The following CPED1 variants were observed in gnomAD, a reference collection of about 807,000 sequenced individuals.
The protein encoded by CPED1 is cadherin like and PC-esterase domain containing 1.
In CPED1, 114 loss-of-function variants were observed where a neutral mutation model predicts 128.2. The observed-to-expected ratio is 0.89, with a 90% CI of 0.76 to 1.04. The LOEUF is 1.04. Ranked by LOEUF, CPED1 falls within the 50% of genes least tolerant of loss-of-function variation. CPED1 has a pLI of 0.00. For missense variants in CPED1, 1,211 were observed against 1,207.1 expected (o/e 1.00, Z -0.05); for synonymous variants, 462 against 426.7 (o/e 1.08, Z -1.02).
intron 2 of CPED1, among the ~76,000 whole-genome samples, chr7:121,012,625 C>T (rs1166395050): frequency 6.6e-6 from 1 of 152,226 alleles, no homozygotes; most frequent in Non-Finnish European, 1.5e-5. Context: ...CACCTGTTGT[C>T]AGACCGGCTA....
chr7:121,056,987 T>C (rs1585044089), intron 4 of CPED1, among the ~76,000 whole-genome samples: 1 of 7,140 alleles, frequency 1.4e-4, no homozygotes, highest in Admixed American at 2.7e-3. Flanking sequence ...TTCTTTTTTC[T>C]TTTTTTTTGA....
At position 121,172,382 on chromosome 7, in the gene CPED1, GTT is replaced by G. The variant is rs59530723; in HGVS notation, c.2055+30253_2055+30254del. Among the ~76,000 whole-genome samples the G allele has an allele frequency of 5.1e-3, 718 of 141,952 alleles. 5 individuals are homozygous for G. Among genetic ancestry groups the G allele is most frequent in the African/African-American group, 0.017 (671 of 39,490 alleles). The allele number at this position is 141,952 out of a possible 152,430, so 93.1% of individuals were successfully genotyped here. On this transcript the variant is annotated intron_variant, in intron 16 of 22. Transcript: ENST00000310396. ...ACCCTGTCCTGACTGAAATACTCTT[GTT>G]TTTTTTTTTTTATTTTGATGTGGAA...
intron 22 of CPED1, among the ~76,000 whole-genome samples, chr7:121,274,702 C>A (rs528756969): frequency 7.2e-5 from 11 of 152,074 alleles, no homozygotes; most frequent in Non-Finnish European, 1.6e-4. Flanking sequence ...CCCCTTGTAC[C>A]TCAGCAAGTC....
At chr7:121,105,241 G>A (rs1404957850) in intron 7 of CPED1, among the ~76,000 whole-genome samples, 1 of 152,114 alleles carries the variant, frequency 6.6e-6, no homozygotes, top group Non-Finnish European at 1.5e-5. Context: ...TGACACAGTT[G>A]TAGGGATGAA....
At chr7:121,243,009 T>A (rs908231631) in intron 17 of CPED1, among the ~76,000 whole-genome samples, 3 of 152,110 alleles carry the variant, frequency 2.0e-5, no homozygotes, top group African/African-American at 7.2e-5. Context: ...TATATTCATC[T>A]CCTAAAAACA....
rs11979314 is a variant in CPED1, at chr7:121,141,830, G to T, written c.1887-143G>T. 0.99 allele frequency: 575,940 copies of T among 579,102 alleles called. 286,456 individuals carry two copies. The highest frequency in any genetic ancestry group is 1 in the East Asian group (35,862 of 35,862). The allele number at this position is 579,102 out of a possible 1,614,324, so 35.9% of individuals were successfully genotyped here. A position where few individuals can be genotyped will look rare whatever the true frequency, so the allele number is the denominator to read the frequency against. ...AAAGAGATATTTATTTATTTTCATA[G>T]TTTAGGTTTCTTATGAAATTGTACA... On this transcript the variant is annotated intron_variant, in intron 15 of 22. Coordinates refer to ENST00000310396, the MANE Select transcript of CPED1 (RefSeq NM_024913.5).
chr7:121,053,862 G>A lies in CPED1; in HGVS notation c.540+6869G>A, dbSNP rs571860992. Among the ~76,000 whole-genome samples, 195 of 152,240 alleles carry A rather than the reference G, an allele frequency of 1.3e-3. 3 individuals carry two copies. Among genetic ancestry groups the A allele is most frequent in the South Asian group, 8.5e-3 (41 of 4,812 alleles). On this transcript the variant is annotated intron_variant, in intron 4 of 22. Transcript: ENST00000310396. Reference sequence around the variant, plus strand: ...CTATAGGTTATAAATCAGTACTATTGTTATTAAATTTTTTGTTGTTGCTCA... The same window carrying A: ...CTATAGGTTATAAATCAGTACTATTATTATTAAATTTTTTGTTGTTGCTCA...
At chr7:121,009,000 G>T (rs570391801) in intron 2 of CPED1, among the ~76,000 whole-genome samples, 3 of 152,110 alleles carry the variant, frequency 2.0e-5, no homozygotes, top group African/African-American at 7.2e-5. Context: ...GGACAGGCAC[G>T]TTGCTGAGAT....
chr7:121,130,979 T>C (rs914260020), intron 12 of CPED1, among the ~76,000 whole-genome samples: 1 of 152,076 alleles, frequency 6.6e-6, no homozygotes, highest in African/African-American at 2.4e-5. Flanking sequence ...TTTCTGCTTC[T>C]CTTTTATATG....
At chr7:121,251,314 C>T (rs1326419399) in intron 18 of CPED1, among the ~76,000 whole-genome samples, 1 of 152,168 alleles carries the variant, frequency 6.6e-6, no homozygotes, top group Non-Finnish European at 1.5e-5. Context: ...TGGGACGTAT[C>T]TCAAAACAAT....
At chr7:121,078,152 C>T (rs112322178) in intron 5 of CPED1, among the ~76,000 whole-genome samples, 11,963 of 152,086 alleles carry the variant, frequency 0.079, 716 homozygotes, top group African/African-American at 0.17. Flanking sequence ...TCACGTGATT[C>T]TCCTGCCTCA....
intron 16 of CPED1, among the ~76,000 whole-genome samples, chr7:121,177,061 C>G (rs992692092): frequency 6.6e-6 from 1 of 152,006 alleles, no homozygotes; most frequent in African/African-American, 2.4e-5. Flanking sequence ...ATGGCAGTAG[C>G]GTAGATTTTG....
chr7:121,083,034 T>C (rs969776741), intron 5 of CPED1, among the ~76,000 whole-genome samples: 7 of 152,162 alleles, frequency 4.6e-5, no homozygotes, highest in Non-Finnish European at 2.9e-5. Context: ...GTCTTAGTGT[T>C]TGTATAGGGC....
chr7:121,245,687 G>C (rs879073789), intron 18 of CPED1, among the ~76,000 whole-genome samples: 1 of 151,418 alleles, frequency 6.6e-6, no homozygotes, highest in Non-Finnish European at 1.5e-5. Context: ...GTATGGGTGT[G>C]GCTACTCCAC....
intron 16 of CPED1, among the ~76,000 whole-genome samples, chr7:121,194,046 A>ATTTTTT (rs1372912698): frequency 2.6e-4 from 14 of 52,988 alleles, no homozygotes; most frequent in African/African-American, 7.3e-4. Flanking sequence ...ATATATATAT[A>ATTTTTT]TATTTTTTTT....
At chr7:121,240,113 G>C (rs4461838) in intron 17 of CPED1, among the ~76,000 whole-genome samples, 1 of 152,148 alleles carries the variant, frequency 6.6e-6, no homozygotes. Flanking sequence ...TATAAATATA[G>C]AGTAGTATGA....
chr7:121,248,934 A>G (rs1219853003), intron 18 of CPED1, among the ~76,000 whole-genome samples: 6 of 152,208 alleles, frequency 3.9e-5, no homozygotes, highest in Admixed American at 2.6e-4. Flanking sequence ...AGAAATCCAT[A>G]AAATGATTCA....
In CPED1 at chr7:121,142,006, C is replaced by T. The variant is rs199515209; in HGVS notation, c.1920C>T (p.Asn640=). The change falls in exon 16 of 23, where the codon AAC becomes AAT. Residue 640 remains asparagine, a synonymous_variant. Coordinates refer to ENST00000310396, the MANE Select transcript of CPED1 (RefSeq NM_024913.5). ...FASYPLGLGM[N]KISIFVVDES... is the part of the protein sequence containing the mutation. ...GCTACCCTCTGGGCTTAGGAATGAA[C>T]AAAATCTCAATATTTGTTGTGGATG... The T allele has an allele frequency of 6.2e-7, 1 of 1,612,596 alleles. No homozygotes were observed. The highest frequency in any genetic ancestry group is 8.5e-7 in the Non-Finnish European group (1 of 1,179,022).
At chr7:121,251,493 G>A (rs1275262965) in intron 18 of CPED1, among the ~76,000 whole-genome samples, 1 of 152,100 alleles carries the variant, frequency 6.6e-6, no homozygotes, top group East Asian at 1.9e-4. Flanking sequence ...AGGAAATAAA[G>A]GGCATTCAAT....
Sources: gnomAD v4.1 joint callset for allele counts (sites outside exome capture counted in the v4.1 genomes callset) on GRCh38, gnomAD v4.1.1 for gene constraint, MANE v1.5 for transcripts, NCBI Gene and HGNC (gene_info 2026-07-23, HGNC 2026-07-21) for gene names.